Variants in RUBCN observed in about 807,000 individuals in gnomAD.
RUBCN encodes the protein rubicon autophagy regulator, also known as run domain Beclin-1-interacting and cysteine-rich domain-containing protein.
A neutral mutation model predicts 113.2 loss-of-function variants in RUBCN; 74 were observed. That is an observed-to-expected ratio of 0.65 (90% confidence interval 0.54 to 0.79). RUBCN has a LOEUF of 0.79. Ranked by LOEUF, RUBCN falls within the 30% of genes least tolerant of loss-of-function variation. The pLI is 0.00. For missense variants in RUBCN, 1,109 were observed against 1,251.7 expected (o/e 0.89, Z 1.72); for synonymous variants, 480 against 490.0 (o/e 0.98, Z 0.27).
At chr3:197,685,074 T>C (rs1721688774) in intron 11 of RUBCN, among the ~76,000 whole-genome samples, 1 of 152,224 alleles carries the variant, frequency 6.6e-6, no homozygotes. Context: ...AGGCTAGCTA[T>C]ACAGGAAACT....
chr3:197,682,206 A>G (rs1432604800), intron 14 of RUBCN, among the ~76,000 whole-genome samples: 1 of 152,082 alleles, frequency 6.6e-6, no homozygotes, highest in Admixed American at 6.5e-5. Flanking sequence ...GAGAAGAAAA[A>G]CCAGCAAGCC....
upstream of RUBCN, among the ~76,000 whole-genome samples, chr3:197,738,673 CCT>C (rs1238261019): frequency 1.3e-5 from 2 of 152,200 alleles, no homozygotes; most frequent in African/African-American, 2.4e-5. Flanking sequence ...GCAGCCTCAA[CCT>C]CCTCAAGCGG....
rs1031986215 is a variant in RUBCN at position 197,682,722 on chromosome 3, G to T, written c.1981-107C>A. On this transcript the variant is annotated intron_variant, in intron 13 of 19. Transcript: ENST00000296343. ...TGGGCAGGAGAAAAACACAGTTGGG[G>T]TAAGTTCACACGGACGGGCTTGAGA... The T allele has an allele frequency of 7.2e-5, 105 of 1,462,918 alleles. No homozygotes were observed. In the African/African-American group the frequency reaches 1.3e-3, roughly 18 times the overall value. 90.6% of individuals were successfully genotyped at this position (1,462,918 alleles called of 1,614,324 possible).
rs1267575939 is a variant in RUBCN, at chr3:197,674,945, G to A, written c.*73C>T. 27 of 1,291,634 alleles carry A rather than the reference G, an allele frequency of 2.1e-5. No individual in the cohort carries two copies. Among genetic ancestry groups the A allele is most frequent in the Admixed American group, 8.5e-5 (4 of 47,200 alleles). The allele number at this position is 1,291,634 out of a possible 1,614,324, so 80.0% of individuals were successfully genotyped here. ...AAAAAAAAGAAGCCCCAGGTGGGGCGAGTCCTTCAAAGAGTGGCTCAGTTC... is the reference window on the plus strand; with the variant it reads ...AAAAAAAAGAAGCCCCAGGTGGGGCAAGTCCTTCAAAGAGTGGCTCAGTTC... On this transcript the variant is annotated 3_prime_UTR_variant, in exon 20 of 20. Coordinates refer to ENST00000296343, the MANE Select transcript of RUBCN (RefSeq NM_014687.4).
At chr3:197,739,030 G>T (rs973177141), upstream of RUBCN, among the ~76,000 whole-genome samples, 12 of 151,494 alleles carry the variant, frequency 7.9e-5, no homozygotes, top group Non-Finnish European at 8.8e-5. Context: ...GCAATGGCGC[G>T]ATCGGGTTCA....
intron 7 of RUBCN, among the ~76,000 whole-genome samples, chr3:197,698,392 A>G (rs1192669727): frequency 6.6e-6 from 1 of 152,238 alleles, no homozygotes; most frequent in Non-Finnish European, 1.5e-5. Context: ...GTTCATGTCC[A>G]TGAATTATGG....
intron 1 of RUBCN, among the ~76,000 whole-genome samples, chr3:197,733,631 C>T (rs9820786): frequency 0.11 from 17,098 of 152,166 alleles, 1,174 homozygotes; most frequent in African/African-American, 0.18. Context: ...GTGTATTTAC[C>T]AGTTGTGTAT....
At chr3:197,739,982 G>A (rs1338202321), upstream of RUBCN, among the ~76,000 whole-genome samples, 1 of 152,154 alleles carries the variant, frequency 6.6e-6, no homozygotes, top group African/African-American at 2.4e-5. Flanking sequence ...AGAGGTTGCA[G>A]TGAGCTGAGA....
chr3:197,720,425 T>A (rs1391233253), intron 1 of RUBCN, among the ~76,000 whole-genome samples: 2 of 152,018 alleles, frequency 1.3e-5, no homozygotes, highest in Middle Eastern at 3.2e-3. Context: ...TTTTTTTTTT[T>A]AAGACAGACT....
intron 11 of RUBCN, among the ~76,000 whole-genome samples, chr3:197,692,178 G>A (rs893618971): frequency 3.3e-5 from 5 of 151,974 alleles, no homozygotes; most frequent in African/African-American, 1.2e-4. Flanking sequence ...TGACTTAATC[G>A]ATGGTGCCTA....
chr3:197,669,111 G>C lies in RUBCN; in HGVS notation c.*5907C>G, dbSNP rs1719573917. Among the ~76,000 whole-genome samples the C allele has an allele frequency of 1.3e-5, 2 of 152,152 alleles. No homozygotes were observed. Among genetic ancestry groups the C allele is most frequent in the Admixed American group, 1.3e-4 (2 of 15,278 alleles). ...TTTAGATCCACAGTAAAGTTGCAAA[G>C]ATAGTACAAATTCGTCACATAGCCC... On this transcript the variant is annotated 3_prime_UTR_variant, in exon 20 of 20. Coordinates refer to ENST00000296343, the MANE Select transcript of RUBCN (RefSeq NM_014687.4).
upstream of RUBCN, among the ~76,000 whole-genome samples, chr3:197,737,587 G>A (rs1472193198): frequency 6.6e-6 from 1 of 151,900 alleles, no homozygotes; most frequent in Non-Finnish European, 1.5e-5. Flanking sequence ...AGCATGGTGT[G>A]GGCATTCTGG....
At chr3:197,705,816 C>A (rs1294574732) in intron 2 of RUBCN, among the ~76,000 whole-genome samples, 1 of 152,094 alleles carries the variant, frequency 6.6e-6, no homozygotes, top group African/African-American at 2.4e-5. Flanking sequence ...CAACCTCCAC[C>A]TCCCATGCTG....
At chr3:197,682,056 G>A (rs1721305332) in intron 14 of RUBCN, among the ~76,000 whole-genome samples, 157 bp from the exon 15 acceptor site, 1 of 152,140 alleles carries the variant, frequency 6.6e-6, no homozygotes, top group Admixed American at 6.5e-5. Flanking sequence ...CCTATTGGGA[G>A]AGCTAACTCC....
chr3:197,725,181 T>C (rs1376812925), intron 1 of RUBCN, among the ~76,000 whole-genome samples: 1 of 152,152 alleles, frequency 6.6e-6, no homozygotes, highest in Non-Finnish European at 1.5e-5. Flanking sequence ...TGCCAGAAAG[T>C]ACTTCCTGGA....
chr3:197,735,779 C>A (rs925111083), intron 1 of RUBCN, among the ~76,000 whole-genome samples: 3 of 151,780 alleles, frequency 2.0e-5, no homozygotes, highest in Non-Finnish European at 2.9e-5. Flanking sequence ...TTTGTAGAGA[C>A]GGGGATCTCC....
chr3:197,724,610 C>G (rs1451683338), intron 1 of RUBCN, among the ~76,000 whole-genome samples: 1 of 152,054 alleles, frequency 6.6e-6, no homozygotes. Flanking sequence ...CAGGTTGTCC[C>G]AAGTCAGGTA....
intron 1 of RUBCN, among the ~76,000 whole-genome samples, chr3:197,720,709 T>G (rs2108967225): frequency 6.6e-6 from 1 of 152,238 alleles, no homozygotes; most frequent in South Asian, 2.1e-4. Flanking sequence ...GCCTGGCTGT[T>G]GATGGACATT....
At chr3:197,690,332 G>A (rs1218837522) in intron 11 of RUBCN, among the ~76,000 whole-genome samples, 1 of 152,158 alleles carries the variant, frequency 6.6e-6, no homozygotes, top group East Asian at 1.9e-4. Flanking sequence ...CAGCTACTTG[G>A]GAGGCTGAGG....
Sources: gnomAD v4.1 joint callset for allele counts (sites outside exome capture counted in the v4.1 genomes callset) on GRCh38, gnomAD v4.1.1 for gene constraint, MANE v1.5 for transcripts, NCBI Gene and HGNC (gene_info 2026-07-23, HGNC 2026-07-21) for gene names.